Variants in CYP17A1 observed in about 807,000 individuals in gnomAD.
The protein encoded by CYP17A1 is cytochrome P450 family 17 subfamily A member 1.
Under a neutral mutation model 38.5 loss-of-function variants are expected in CYP17A1, and 27 were observed. The observed-to-expected ratio is 0.70, with a 90% CI of 0.52 to 0.97. The LOEUF (loss-of-function observed/expected upper bound fraction) is 0.97, where lower values mean the gene tolerates loss of function less well. CYP17A1 is among the 50% of genes least tolerant of loss of function. The pLI is 0.00. For synonymous variants in CYP17A1, 263 were observed against 253.3 expected (o/e 1.04, Z -0.36); for missense variants, 549 against 645.9 (o/e 0.85, Z 1.63).
chr10:102,836,922 C>T (rs61754267), intron 1 of CYP17A1, 143 bp downstream of exon 1: 35 of 734,688 alleles, frequency 4.8e-5, no homozygotes, highest in Middle Eastern at 7.5e-4. Flanking sequence ...TGAAGGTTCA[C>T]TCCCTTCACA....
Position 102,837,239 on chromosome 10 carries a change from T to C in CYP17A1, c.123A>G (p.Pro41=), listed in dbSNP as rs763103999. The change falls in exon 1 of 8, where the codon CCA becomes CCG. Residue 41 remains proline, a synonymous_variant. Coordinates refer to ENST00000369887, the MANE Select transcript of CYP17A1 (RefSeq NM_000102.4). ...LLSLPLVGSL[P]FLPRHGHMHN... Reference sequence around the variant, plus strand: ...GCATATGGCCGTGTCTGGGGAGGAATGGCAGGCTGCCCACCAGGGGCAGGG... The same window carrying C: ...GCATATGGCCGTGTCTGGGGAGGAACGGCAGGCTGCCCACCAGGGGCAGGG... 3 of 1,607,976 alleles carry C rather than the reference T, an allele frequency of 1.9e-6. No individual in the cohort carries two copies. The highest frequency in any genetic ancestry group is 3.3e-5 in the Admixed American group (2 of 60,024).
At chr10:102,834,762 A>G in intron 3 of CYP17A1, 23 bp downstream of exon 3, 1 of 1,614,120 alleles carries the variant, frequency 6.2e-7, no homozygotes. Flanking sequence ...TAGAACCTGA[A>G]GGCAGGGCTG....
rs201222065 is a variant in CYP17A1, at chr10:102,831,557, C to T, written c.1194G>A (p.Ala398=). 54 of 1,613,978 alleles carry T rather than the reference C, an allele frequency of 3.3e-5. No individual in the cohort carries two copies. Among genetic ancestry groups the T allele is most frequent in the African/African-American group, 1.9e-4 (14 of 75,008 alleles). ...GCCACTCCTTCTCATTGTGATGCAG[C>T]GCCCACAGATTGATGATAACTTCTG... ...KGTEVIINLW[A]LHHNEKEWHQ... The change falls in exon 7 of 8, where the codon GCG becomes GCA. Residue 398 remains alanine, a synonymous_variant. Transcript: ENST00000369887.
chr10:102,832,524 T>C lies in CYP17A1; in HGVS notation c.1126A>G (p.Asn376Asp). 1 of 1,607,754 alleles carries C rather than the reference T, an allele frequency of 6.2e-7. No individual in the cohort carries two copies. The highest frequency in any genetic ancestry group is 8.5e-7 in the Non-Finnish European group (1 of 1,174,586). Residue 376 changes from asparagine (N) to aspartate (D), a missense_variant, in exon 6 of 8, where the codon AAC becomes GAC. Physicochemically the swap from Asn to Asp is conservative, Grantham distance 23. Transcript: ENST00000369887. ...GGGCAGGCACACCTGGAGTCAACGT[T>C]GGCCTTGTGGGGGATGAGCATAGGG... ...VAPMLIPHKA[N>D]VDSSIGEFAV... is the part of the protein sequence containing the mutation.
intron 1 of CYP17A1, 176 bp downstream of exon 1, chr10:102,836,889 A>C: frequency 1.5e-6 from 1 of 650,904 alleles, no homozygotes; most frequent in Non-Finnish European, 2.8e-6. Context: ...CTTCCTGCCT[A>C]ATTTAGAGGC....
At chr10:102,835,081 G>T in intron 2 of CYP17A1, 67 bp from the exon 3 acceptor site, 1 of 1,163,834 alleles carries the variant, frequency 8.6e-7, no homozygotes, top group Non-Finnish European at 1.3e-6. Flanking sequence ...TGTACCAGTT[G>T]CCTCTTAACA....
At chr10:102,831,058 G>A in intron 7 of CYP17A1, 73 bp from the exon 8 acceptor site, 2 of 1,047,190 alleles carry the variant, frequency 1.9e-6, no homozygotes, top group Middle Eastern at 2.9e-4. Flanking sequence ...CCCTGGTTGA[G>A]GGGGAGACAT....
At position 102,832,522 on chromosome 10, in the gene CYP17A1, G is replaced by T. The variant is rs771970497; in HGVS notation, c.1128C>A (p.Asn376Lys). The T allele has an allele frequency of 3.1e-6, 5 of 1,607,042 alleles. No homozygotes were observed. The highest frequency in any genetic ancestry group is 1.7e-6 in the Non-Finnish European group (2 of 1,173,616). ...VAPMLIPHKA[N>K]VDSSIGEFAV... ...GAGGGCAGGCACACCTGGAGTCAAC[G>T]TTGGCCTTGTGGGGGATGAGCATAG... The change falls in exon 6 of 8, where the codon AAC (asparagine) becomes AAA (lysine). Residue 376 changes from asparagine (N) to lysine (K), a missense_variant. This residue lies in a region of CYP17A1 where 257 missense variants were observed against 307.9 expected (regional missense o/e 0.83). Transcript: ENST00000369887.
chr10:102,833,462 T>C, intron 4 of CYP17A1: 2 of 509,690 alleles, frequency 3.9e-6, no homozygotes, highest in Non-Finnish European at 6.7e-6. Context: ...GAGTCAGTTT[T>C]TTTTTTTTTT....
rs754158354 is a variant in CYP17A1, at chr10:102,837,394, C to T, written c.-33G>A. The T allele has an allele frequency of 6.3e-5, 91 of 1,449,550 alleles. No homozygotes were observed. The highest frequency in any genetic ancestry group is 1.2e-4 in the Admixed American group (7 of 59,772). 89.8% of individuals were successfully genotyped at this position (1,449,550 alleles called of 1,614,324 possible). On this transcript the variant is annotated 5_prime_UTR_variant, in exon 1 of 8. Transcript: ENST00000369887. ...GGGTGCCGGCAGGCAAGATAGACAGCAGTGGAGTAGAAGAGCTGTGGCAAC... is the reference window on the plus strand; with the variant it reads ...GGGTGCCGGCAGGCAAGATAGACAGTAGTGGAGTAGAAGAGCTGTGGCAAC...
chr10:102,835,223 C>A (rs1844145566), intron 2 of CYP17A1, 31 bp downstream of exon 2: 3 of 1,597,064 alleles, frequency 1.9e-6, no homozygotes, highest in Non-Finnish European at 1.7e-6. Flanking sequence ...TGGGATCCAG[C>A]CCCAGCCCCA....
intron 1 of CYP17A1, among the ~76,000 whole-genome samples, chr10:102,835,911 C>T (rs149652864): frequency 2.0e-5 from 3 of 152,326 alleles, no homozygotes; most frequent in Admixed American, 6.5e-5. Flanking sequence ...CACAAGCCCA[C>T]ATTTGGAGAG....
rs979367025 is a variant in CYP17A1, at chr10:102,832,873, T to A, written c.969+120A>T. ...GGGTCAAAGCCAACTACTGCTTGGG[T>A]AAGGAGCAGGGCAGGCCTAGTCTTC... On this transcript the variant is annotated intron_variant, in intron 5 of 7. Coordinates refer to ENST00000369887, the MANE Select transcript of CYP17A1 (RefSeq NM_000102.4). The A allele has an allele frequency of 2.0e-6, 3 of 1,531,538 alleles. No individual in the cohort carries two copies. The African/African-American group carries it at 4.1e-5, about 21-fold the overall frequency. 94.9% of individuals were successfully genotyped at this position (1,531,538 alleles called of 1,614,324 possible). A position where few individuals can be genotyped will look rare whatever the true frequency, so the allele number is the denominator to read the frequency against.
In CYP17A1 at chr10:102,830,705, G is replaced by A. The variant is rs145067399; in HGVS notation, c.1524C>T (p.Thr508=). 8.9e-6 allele frequency: 14 copies of A among 1,578,536 alleles called. No individual in the cohort carries two copies. In the African/African-American group the frequency reaches 1.8e-4, roughly 20 times the overall value. Residue 508 remains threonine, a synonymous_variant, in exon 8 of 8, where the codon ACC becomes ACT. Coordinates refer to ENST00000369887, the MANE Select transcript of CYP17A1 (RefSeq NM_000102.4). The surrounding 1 kb of genome is among the most constrained non-coding windows in gnomAD (Gnocchi z 4.1). ...CAGGGGCTGTGAGTTACAGCCTTTA[G>A]GTGCTACCCTCAGCCTGGGCTTCCC... ...AWREAQAEGS[T] is the part of the protein sequence containing the mutation.
At chr10:102,836,552 C>T (rs971265641) in intron 1 of CYP17A1, among the ~76,000 whole-genome samples, 1 of 151,932 alleles carries the variant, frequency 6.6e-6, no homozygotes, top group Non-Finnish European at 1.5e-5. Flanking sequence ...AGAAAACTGC[C>T]CCTGTGAGCC....
intron 5 of CYP17A1, 86 bp from the exon 6 acceptor site, chr10:102,832,766 G>A (rs1564778249): frequency 1.0e-5 from 13 of 1,250,044 alleles, no homozygotes; most frequent in Middle Eastern, 1.9e-4. Context: ...CTGTGACATC[G>A]AGAAGAGCCT....
intron 3 of CYP17A1, 53 bp downstream of exon 3, chr10:102,834,732 G>A (rs1844137034): frequency 6.2e-7 from 1 of 1,613,558 alleles, no homozygotes. Context: ...AGGAAGATTG[G>A]GGACAATGTC....
At position 102,835,380 on chromosome 10, in the gene CYP17A1, T is replaced by A; in HGVS notation, c.310A>T (p.Ile104Phe). Residue 104 changes from isoleucine (I) to phenylalanine (F), a missense_variant, in exon 2 of 8, where the codon ATC becomes TTC. Physicochemically the swap from Ile to Phe is conservative, Grantham distance 21 (BLOSUM62 0). This residue lies in a region of CYP17A1 where 289 missense variants were observed against 320.9 expected (regional missense o/e 0.90). Transcript: ENST00000369887. Reference protein sequence around the residue: ...SGRPQMATLDIASNNRKGIAF... With the variant: ...SGRPQMATLDFASNNRKGIAF... The stretch of plus-strand genomic sequence containing the variant: ...ATACCCTTACGGTTGTTGGACGCGA[T>A]GTCTAGAGTTGCCTTTAGAGAGCAG... 6.2e-7 allele frequency: 1 copy of A among 1,612,976 alleles called. No homozygotes were observed. Among genetic ancestry groups the A allele is most frequent in the South Asian group, 1.1e-5 (1 of 91,060 alleles).
At position 102,832,499 on chromosome 10, in the gene CYP17A1, GGGCA is replaced by G; in HGVS notation, c.1139+8_1139+11del. On this transcript the variant is annotated splice_region_variant and intron_variant, in intron 6 of 7. Coordinates refer to ENST00000369887, the MANE Select transcript of CYP17A1 (RefSeq NM_000102.4). ...ATCATGGGGCTAGATGTCACTGGGA[GGGCA>G]GGCACACCTGGAGTCAACGTTGGCC... is the stretch of plus-strand genomic sequence containing the variant. 6.4e-7 allele frequency: 1 copy of G among 1,574,674 alleles called. No individual in the cohort carries two copies. Among genetic ancestry groups the G allele is most frequent in the Non-Finnish European group, 8.7e-7 (1 of 1,144,120 alleles).
Sources: allele counts gnomAD v4.1 joint callset (sites outside exome capture counted in the v4.1 genomes callset), GRCh38; gene constraint gnomAD v4.1.1; regional missense constraint gnomAD v4.1.1; non-coding constraint Gnocchi (gnomAD v3.1); transcripts MANE v1.5; gene names NCBI Gene and HGNC (gene_info 2026-07-23, HGNC 2026-07-21).